ZNF234: variants seen among roughly 807,000 people sequenced by gnomAD.
ZNF234 encodes zinc finger protein 234.
ZNF234 carries 4 observed loss-of-function variants against 10.3 expected under a neutral mutation model. The observed-to-expected ratio is 0.39, with a 90% CI of 0.19 to 0.89. The LOEUF (loss-of-function observed/expected upper bound fraction) is 0.89, where lower values mean the gene tolerates loss of function less well. ZNF234 is among the 40% of genes least tolerant of loss of function. The pLI, the probability that ZNF234 is intolerant of heterozygous loss-of-function variation, is 0.38. For synonymous variants in ZNF234, 258 were observed against 280.1 expected, an observed-to-expected ratio of 0.92 and a Z score of 0.79; for missense variants, 711 against 836.1, an observed-to-expected ratio of 0.85 and a Z score of 1.85.
intron 5 of ZNF234, among the ~76,000 whole-genome samples, chr19:44,150,816 G>T (rs1241958830): frequency 6.6e-6 from 1 of 152,052 alleles, no homozygotes; most frequent in Non-Finnish European, 1.5e-5. Context: ...GGCCAAAGCA[G>T]GAGGATCAGG....
Position 44,157,869 on chromosome 19 carries a change from A to T in ZNF234, c.1853A>T (p.His618Leu). 6.2e-7 allele frequency: 1 copy of T among 1,614,178 alleles called. No individual in the cohort carries two copies. The highest frequency in any genetic ancestry group is 8.5e-7 in the Non-Finnish European group (1 of 1,180,026). The change falls in exon 6 of 6, where the codon CAC (histidine) becomes CTC (leucine). Residue 618 changes from histidine to leucine, a missense_variant. His to Leu is a moderately conservative substitution (Grantham distance 99). Coordinates refer to ENST00000426739, the MANE Select transcript of ZNF234 (RefSeq NM_006630.3). Reference protein sequence around the residue: ...ASSLQLHQSVHTGEKPYKCDV... With the variant: ...ASSLQLHQSVLTGEKPYKCDV... ...AGTCTCCAACTTCATCAGAGTGTCC[A>T]CACAGGAGAGAAACCATACAAATGT... is the stretch of plus-strand genomic sequence containing the variant.
At chr19:44,151,835 C>T (rs970582110) in intron 5 of ZNF234, among the ~76,000 whole-genome samples, 12 of 152,176 alleles carry the variant, frequency 7.9e-5, no homozygotes, top group Non-Finnish European at 1.8e-4. Flanking sequence ...TCTAATTGCA[C>T]TGGGCCCACT....
chr19:44,142,758 T>G (rs1310825548), intron 2 of ZNF234, among the ~76,000 whole-genome samples: 2 of 152,208 alleles, frequency 1.3e-5, no homozygotes, highest in Non-Finnish European at 2.9e-5. Flanking sequence ...GTTTCATTTA[T>G]TACAAATATT....
intron 2 of ZNF234, 93 bp from the exon 3 acceptor site, chr19:44,144,464 C>T (rs1006477983): frequency 1.1e-5 from 5 of 466,046 alleles, no homozygotes; most frequent in African/African-American, 2.0e-5. Context: ...ATAATGCCAC[C>T]GTGACCATTC....
intron 5 of ZNF234, among the ~76,000 whole-genome samples, chr19:44,153,192 G>A (rs866452852): frequency 9.1e-5 from 5 of 55,228 alleles, no homozygotes; most frequent in African/African-American, 3.1e-4. Context: ...ATATATATAT[G>A]CGCCAAGAGT....
At chr19:44,144,670 G>A (rs1305588669) in intron 3 of ZNF234, 23 bp downstream of exon 3, 1 of 1,533,804 alleles carries the variant, frequency 6.5e-7, no homozygotes, top group Non-Finnish European at 8.8e-7. Flanking sequence ...TGCCACTCTT[G>A]CTGTTAAAAT....
chr19:44,146,199 T>TGTG (rs1968586876), intron 3 of ZNF234, among the ~76,000 whole-genome samples: 1 of 152,216 alleles, frequency 6.6e-6, no homozygotes, highest in Non-Finnish European at 1.5e-5. Context: ...GTGTTCCTAA[T>TGTG]GTGGTGGCAC....
At position 44,146,392 on chromosome 19, in the gene ZNF234, G is replaced by A. The variant is rs867478226; in HGVS notation, c.15+1745G>A. The stretch of plus-strand genomic sequence containing the variant: ...TCTAGTTCTAGATCCCTGAGGAATC[G>A]CCACACTGTCTTCCACAGTGGTTAA... On this transcript the variant is annotated intron_variant, in intron 3 of 5. Transcript: ENST00000426739. Among the ~76,000 whole-genome samples the A allele has an allele frequency of 1.9e-4, 29 of 152,266 alleles. No individual in the cohort carries two copies. In the South Asian group the frequency reaches 4.6e-3, roughly 24 times the overall value.
chr19:44,148,864 A>G lies in ZNF234; in HGVS notation c.109A>G (p.Met37Val). ...PVQRNLYQDV[M>V]LENFRNLLSV... ...CCAGAGGAATCTGTACCAAGATGTG[A>G]TGCTGGAGAACTTCAGGAACCTGCT... Residue 37 changes from methionine to valine, a missense_variant, in exon 4 of 6, where the codon ATG becomes GTG. Met to Val is a conservative substitution (Grantham distance 21, BLOSUM62 1). Coordinates refer to ENST00000426739, the MANE Select transcript of ZNF234 (RefSeq NM_006630.3). The G allele has an allele frequency of 6.2e-7, 1 of 1,613,920 alleles. No individual in the cohort carries two copies. The highest frequency in any genetic ancestry group is 1.1e-5 in the South Asian group (1 of 91,072).
At chr19:44,152,989 A>G (rs1182967144) in intron 5 of ZNF234, among the ~76,000 whole-genome samples, 3 of 151,854 alleles carry the variant, frequency 2.0e-5, no homozygotes, top group Admixed American at 2.0e-4. Context: ...ATGTCATACA[A>G]TTTTTCCTTT....
intron 3 of ZNF234, among the ~76,000 whole-genome samples, chr19:44,146,391 C>A (rs1374248182): frequency 6.6e-6 from 1 of 152,164 alleles, no homozygotes; most frequent in South Asian, 2.1e-4. Context: ...CCTGAGGAAT[C>A]GCCACACTGT....
At position 44,148,775 on chromosome 19, in the gene ZNF234, G is replaced by A. The variant is rs2147612590; in HGVS notation, c.20G>A (p.Gly7Glu). 3.7e-6 allele frequency: 6 copies of A among 1,613,734 alleles called. No individual in the cohort carries two copies. The highest frequency in any genetic ancestry group is 2.2e-5 in the South Asian group (2 of 91,072). ...AAGGTGTGTTTGATGTTATAGGAGG[G>A]ACTGACCTTCAAGGATGTGGCTGTG... Reference protein sequence around the residue: MTTFKEGLTFKDVAVVF... With the variant: MTTFKEELTFKDVAVVF... The change falls in exon 4 of 6, where the codon GGA becomes GAA. Residue 7 changes from glycine to glutamate, a missense_variant. Coordinates refer to ENST00000426739, the MANE Select transcript of ZNF234 (RefSeq NM_006630.3).
At position 44,157,339 on chromosome 19, in the gene ZNF234, A is replaced by G. The variant is rs73934454; in HGVS notation, c.1323A>G (p.Ser441=). 4.5e-4 allele frequency: 730 copies of G among 1,614,000 alleles called. 2 individuals carry two copies. In the African/African-American group the frequency reaches 8.6e-3, roughly 19 times the overall value. Residue 441 remains serine (S), a synonymous_variant, in exon 6 of 6, where the codon TCA becomes TCG. Coordinates refer to ENST00000426739, the MANE Select transcript of ZNF234 (RefSeq NM_006630.3). ...EVCGKAFRQS[S]YLKIHLKAHS... ...GTGGTAAAGCCTTCCGTCAGAGTTC[A>G]TATCTTAAAATCCATCTGAAAGCAC... is the stretch of plus-strand genomic sequence containing the variant.
intron 5 of ZNF234, among the ~76,000 whole-genome samples, chr19:44,151,823 C>G (rs1968751336): frequency 6.6e-6 from 1 of 152,126 alleles, no homozygotes; most frequent in Non-Finnish European, 1.5e-5. Flanking sequence ...TTATAAGGAC[C>G]CTCTAATTGC....
At chr19:44,154,402 G>A (rs985172042) in intron 5 of ZNF234, among the ~76,000 whole-genome samples, 1 of 151,564 alleles carries the variant, frequency 6.6e-6, no homozygotes, top group African/African-American at 2.4e-5. Context: ...TCCTCATGTA[G>A]GAAACTTGCT....
Position 44,157,920 on chromosome 19 carries a change from G to T in ZNF234, c.1904G>T (p.Arg635Leu), listed in dbSNP as rs768596074. 2 of 1,613,942 alleles carry T rather than the reference G, an allele frequency of 1.2e-6. No homozygotes were observed. Among genetic ancestry groups the T allele is most frequent in the African/African-American group, 1.3e-5 (1 of 74,964 alleles). The change falls in exon 6 of 6, where the codon CGG (arginine) becomes CTG (leucine). Residue 635 changes from arginine to leucine, a missense_variant. Physicochemically the swap from Arg to Leu is moderately radical, Grantham distance 102. Transcript: ENST00000426739. ...KCDVCGKVFS[R>L]SSQLQYHRRV... ...GATGTATGTGGTAAAGTCTTCAGTC[G>T]GTCTTCACAATTACAGTATCATAGG...
chr19:44,151,462 G>T (rs536311550), intron 5 of ZNF234, among the ~76,000 whole-genome samples: 1 of 152,292 alleles, frequency 6.6e-6, no homozygotes, highest in African/African-American at 2.4e-5. Context: ...CTCCCAAAGT[G>T]CTGGGATTAC....
rs60083912 is a variant in ZNF234, at chr19:44,146,806, CTTTTTTTTT to C, written c.16-1946_16-1938del. Among the ~76,000 whole-genome samples, 132 of 83,284 alleles carry C rather than the reference CTTTTTTTTT, an allele frequency of 1.6e-3. 1 individual carries two copies. The highest frequency in any genetic ancestry group is 4.2e-3 in the African/African-American group (105 of 24,994). 54.6% of individuals were successfully genotyped at this position (83,284 alleles called of 152,430 possible). ...AGGTGCTTGCATTCTCTCTCTCTCTCTTTTTTTTTTTTTTTTTTTTTTTTTTTGAGACAG... is the reference window on the plus strand; with the variant it reads ...AGGTGCTTGCATTCTCTCTCTCTCTCTTTTTTTTTTTTTTTTTTGAGACAG... On this transcript the variant is annotated intron_variant, in intron 3 of 5. Coordinates refer to ENST00000426739, the MANE Select transcript of ZNF234 (RefSeq NM_006630.3).
chr19:44,144,741 C>T (rs1968551268), intron 3 of ZNF234, 94 bp downstream of exon 3: 1 of 1,172,146 alleles, frequency 8.5e-7, no homozygotes, highest in African/African-American at 1.5e-5. Flanking sequence ...ATTTGAGAAC[C>T]TGTTTATGCT....
Sources: allele counts gnomAD v4.1 joint callset (sites outside exome capture counted in the v4.1 genomes callset), GRCh38; gene constraint gnomAD v4.1.1; transcripts MANE v1.5; gene names NCBI Gene and HGNC (gene_info 2026-07-23, HGNC 2026-07-21).